The following SNX5 variants were observed in gnomAD, a reference collection of about 807,000 sequenced individuals.
SNX5 encodes sorting nexin 5.
In SNX5, 31 loss-of-function variants were observed where a neutral mutation model predicts 53.9. The ratio of observed to expected loss-of-function variants is 0.58; its 90% CI spans 0.43 to 0.78. The LOEUF (loss-of-function observed/expected upper bound fraction) is 0.78, where lower values mean the gene tolerates loss of function less well. Among genes scored for constraint, SNX5 ranks in the 30% least tolerant of loss-of-function variants. The pLI is 0.00. For synonymous variants in SNX5, 168 were observed against 171.1 expected (o/e 0.98, Z 0.14); for missense variants, 471 against 478.8 (o/e 0.98, Z 0.15).
intron 11 of SNX5, chr20:17,945,596 C>A (rs148995963): frequency 1.3e-5 from 2 of 149,660 alleles, no homozygotes; most frequent in African/African-American, 2.5e-5. Flanking sequence ...GAAGTGTGTA[C>A]GTTTCCTTGA....
chr20:17,950,533 G>C, intron 6 of SNX5, 137 bp from the exon 7 acceptor site: 2 of 584,978 alleles, frequency 3.4e-6, no homozygotes, highest in South Asian at 4.5e-5. Flanking sequence ...TACAGATCAG[G>C]GAATTACAAA....
chr20:17,954,203 C>T lies in SNX5; in HGVS notation c.268-86G>A, dbSNP rs1225854116. 2.6e-6 allele frequency: 4 copies of T among 1,564,404 alleles called. No individual in the cohort carries two copies. The African/African-American group carries it at 5.5e-5, about 21-fold the overall frequency. ...GCCTCATTCTACTCTTGCTGGTCCA[C>T]AGGAGACAACCACTCCACTCCTGTG... On this transcript the variant is annotated intron_variant, in intron 3 of 12. Transcript: ENST00000377759.
At chr20:17,963,411 A>C (rs776616865) in intron 1 of SNX5, among the ~76,000 whole-genome samples, 2 of 152,202 alleles carry the variant, frequency 1.3e-5, no homozygotes, top group Admixed American at 6.5e-5. Context: ...GTCTGCAGTG[A>C]ACTACGATCA....
intron 1 of SNX5, among the ~76,000 whole-genome samples, chr20:17,966,785 A>C (rs763216008): frequency 6.6e-6 from 1 of 152,230 alleles, no homozygotes. Flanking sequence ...GTATTATGGC[A>C]AAAAGTTGCC....
Position 17,956,305 on chromosome 20 carries a change from T to C in SNX5, c.156+628A>G, listed in dbSNP as rs16978626. On this transcript the variant is annotated intron_variant, in intron 2 of 12. Transcript: ENST00000377759. ...CTTTTTACACTACCTCCGGAATAACTGAAGTGTGCTATTCAAGCCGCCCAG... is the reference window on the plus strand; with the variant it reads ...CTTTTTACACTACCTCCGGAATAACCGAAGTGTGCTATTCAAGCCGCCCAG... Among the ~76,000 whole-genome samples, 1,382 of 152,270 alleles carry C rather than the reference T, an allele frequency of 9.1e-3. 45 individuals carry two copies. In the East Asian group the frequency reaches 0.11, roughly 12 times the overall value.
At chr20:17,951,428 T>C (rs2039566154) in intron 6 of SNX5, 72 bp downstream of exon 6, 3 of 881,126 alleles carry the variant, frequency 3.4e-6, no homozygotes, top group African/African-American at 3.4e-5. Flanking sequence ...CAAGTATCTC[T>C]TTCAAAGAAA....
chr20:17,968,594 G>A lies in SNX5; in HGVS notation c.-169C>T. ...TCCGGACTCCGCCACCATCCCAGCT[G>A]CCCCGGGAGCAGGCGAGCAGGGCGC... is the stretch of plus-strand genomic sequence containing the variant. On this transcript the variant is annotated 5_prime_UTR_variant, in exon 1 of 13. Coordinates refer to ENST00000377759, the MANE Select transcript of SNX5 (RefSeq NM_014426.4). 1 of 654,168 alleles carries A rather than the reference G, an allele frequency of 1.5e-6. No homozygotes were observed. Among genetic ancestry groups the A allele is most frequent in the South Asian group, 1.6e-5 (1 of 60,968 alleles). The allele number at this position is 654,168 out of a possible 1,614,324, so 40.5% of individuals were successfully genotyped here. A position where few individuals can be genotyped will look rare whatever the true frequency, so the allele number is the denominator to read the frequency against.
chr20:17,956,787 G>A (rs6080915), intron 2 of SNX5, 146 bp downstream of exon 2: 62,412 of 551,280 alleles, frequency 0.11, 3,989 homozygotes, highest in Middle Eastern at 0.17. Flanking sequence ...GATGCTTACT[G>A]TGAGATAGAT....
At chr20:17,950,439 C>CTA in intron 6 of SNX5, 43 bp from the exon 7 acceptor site, 1 of 1,100,134 alleles carries the variant, frequency 9.1e-7, no homozygotes, top group Non-Finnish European at 1.4e-6. Context: ...ATGAAATATA[C>CTA]TATCCCTGCA....
chr20:17,948,363 G>A (rs937256518), intron 10 of SNX5, among the ~76,000 whole-genome samples: 1 of 152,192 alleles, frequency 6.6e-6, no homozygotes, highest in Non-Finnish European at 1.5e-5. Context: ...AAATAAAATT[G>A]CATGATGGGG....
intron 1 of SNX5, among the ~76,000 whole-genome samples, chr20:17,957,576 G>T: frequency 6.6e-6 from 1 of 152,176 alleles, no homozygotes; most frequent in Non-Finnish European, 1.5e-5. Flanking sequence ...GTAAACAACA[G>T]CTACAATAAT....
rs755741863 is a variant in SNX5 at position 17,950,371 on chromosome 20, T to G, written c.635A>C (p.Glu212Ala). ...VKEVDDFFEQ[E>A]KNFLINYYNR... The stretch of plus-strand genomic sequence containing the variant: ...GTAATAGTTAATAAGGAAGTTCTTC[T>G]CTTGCTCAAAGAAGTCATCTACCTC... Residue 212 changes from glutamate to alanine, a missense_variant, in exon 7 of 13, where the codon GAG (glutamate) becomes GCG (alanine). Physicochemically the swap from Glu to Ala is moderately radical, Grantham distance 107 (BLOSUM62 -1). Transcript: ENST00000377759. The G allele has an allele frequency of 3.1e-6, 5 of 1,612,306 alleles. No individual in the cohort carries two copies. The highest frequency in any genetic ancestry group is 4.2e-6 in the Non-Finnish European group (5 of 1,178,522).
At chr20:17,948,760 T>C in intron 10 of SNX5, 130 bp downstream of exon 10, 1 of 710,156 alleles carries the variant, frequency 1.4e-6, no homozygotes, top group Non-Finnish European at 2.4e-6. Flanking sequence ...ATGGATACAA[T>C]GCCAGAAAGG....
intron 1 of SNX5, among the ~76,000 whole-genome samples, chr20:17,960,687 G>A (rs1314735487): frequency 6.7e-6 from 1 of 150,358 alleles, no homozygotes. Context: ...TGAGGCAGAA[G>A]AACTGCTTGA....
chr20:17,952,449 A>C (rs575478205), intron 5 of SNX5, 138 bp downstream of exon 5: 1 of 830,276 alleles, frequency 1.2e-6, no homozygotes, highest in South Asian at 2.6e-5. Context: ...AATGACTTAC[A>C]ATGAAGGAAA....
At chr20:17,954,951 A>G (rs189042620) in intron 3 of SNX5, among the ~76,000 whole-genome samples, 2 of 152,302 alleles carry the variant, frequency 1.3e-5, no homozygotes, top group African/African-American at 2.4e-5. Context: ...AGCTCAGGTG[A>G]TCCACCCACC....
At chr20:17,956,819 G>C in intron 2 of SNX5, 114 bp downstream of exon 2, 1 of 649,068 alleles carries the variant, frequency 1.5e-6, no homozygotes, top group East Asian at 2.8e-5. Context: ...TCACTTAATA[G>C]TGCTACCCTA....
chr20:17,964,660 TAG>T (rs2035509439), intron 1 of SNX5, among the ~76,000 whole-genome samples: 1 of 152,236 alleles, frequency 6.6e-6, no homozygotes, highest in Non-Finnish European at 1.5e-5. Context: ...CATTAAAAGT[TAG>T]ACTGTTTCCT....
In SNX5 at chr20:17,952,713, GAA is replaced by G. The variant is rs2039587984; in HGVS notation, c.390-5_390-4del. On this transcript the variant is annotated splice_polypyrimidine_tract_variant and splice_region_variant and intron_variant, in intron 4 of 12. Transcript: ENST00000377759. ...TCTTAAACACAGCGAGATACTCACT[GAA>G]AAGAGATGTGCACATGGCATTCAGT... The G allele has an allele frequency of 1.2e-6, 2 of 1,610,968 alleles. No individual in the cohort carries two copies. The highest frequency in any genetic ancestry group is 8.5e-7 in the Non-Finnish European group (1 of 1,178,668).
Sources: gnomAD v4.1 joint callset for allele counts (sites outside exome capture counted in the v4.1 genomes callset) on GRCh38, gnomAD v4.1.1 for gene constraint, MANE v1.5 for transcripts, NCBI Gene and HGNC (gene_info 2026-07-23, HGNC 2026-07-21) for gene names.